The following HPS4 variants were observed in gnomAD, a reference collection of about 807,000 sequenced individuals.
HPS4 encodes BLOC-3 complex member HPS4.
A neutral mutation model predicts 70.3 loss-of-function variants in HPS4; 44 were observed. The ratio of observed to expected loss-of-function variants is 0.63; its 90% CI spans 0.49 to 0.80. The LOEUF is 0.80. HPS4 is among the 30% of genes least tolerant of loss of function. The probability of loss-of-function intolerance (pLI) is 0.00; values close to 1 mark genes in which losing one functional copy is unlikely to be tolerated. For missense variants in HPS4, 873 were observed against 884.4 expected, an observed-to-expected ratio of 0.99 and a Z score of 0.16; for synonymous variants, 377 against 355.9, an observed-to-expected ratio of 1.06 and a Z score of -0.67.
chr22:26,478,706 T>C (rs1174106623), intron 3 of HPS4, among the ~76,000 whole-genome samples: 2 of 152,182 alleles, frequency 1.3e-5, no homozygotes, highest in Non-Finnish European at 2.9e-5. Context: ...TTTTTTGAGA[T>C]GGAGTTTCAC....
At chr22:26,455,205 C>T (rs2085882891) in intron 13 of HPS4, among the ~76,000 whole-genome samples, 1 of 152,006 alleles carries the variant, frequency 6.6e-6, no homozygotes, top group African/African-American at 2.4e-5. Flanking sequence ...CTAGAAATAC[C>T]ATTTGACCCA....
rs368433854 is a variant in HPS4, at chr22:26,466,296, G to C, written c.670-34C>G. 49 of 1,612,236 alleles carry C rather than the reference G, an allele frequency of 3.0e-5. No homozygotes were observed. In the African/African-American group the frequency reaches 5.7e-4, roughly 19 times the overall value. The stretch of plus-strand genomic sequence containing the variant: ...AAACACACACAGAAGTTGGCGCTGG[G>C]CACCACATTCTCCTCTTGACCTAAC... On this transcript the variant is annotated intron_variant, in intron 8 of 13. Coordinates refer to ENST00000398145, the MANE Select transcript of HPS4 (RefSeq NM_022081.6).
At chr22:26,450,003 C>T (rs2085089705), downstream of HPS4, among the ~76,000 whole-genome samples, 1 of 152,216 alleles carries the variant, frequency 6.6e-6, no homozygotes, top group African/African-American at 2.4e-5. Flanking sequence ...TGACTGGCGG[C>T]CACATCACTC....
intron 4 of HPS4, among the ~76,000 whole-genome samples, chr22:26,473,501 C>T (rs1209076898): frequency 2.6e-5 from 4 of 152,180 alleles, no homozygotes. Flanking sequence ...GGCACGGTGG[C>T]TCATGCCTGT....
intron 2 of HPS4, among the ~76,000 whole-genome samples, chr22:26,480,821 G>T (rs899967762): frequency 6.6e-6 from 1 of 152,088 alleles, no homozygotes; most frequent in African/African-American, 2.4e-5. Flanking sequence ...GGGATGCTGA[G>T]GTAGGAGGAT....
At chr22:26,446,946 G>C (rs993814347), downstream of HPS4, among the ~76,000 whole-genome samples, 1 of 152,172 alleles carries the variant, frequency 6.6e-6, no homozygotes, top group African/African-American at 2.4e-5. Flanking sequence ...GGCTGATCTC[G>C]AACTCCTAAC....
At chr22:26,468,473 C>G in intron 8 of HPS4, 78 bp downstream of exon 8, 3 of 1,294,912 alleles carry the variant, frequency 2.3e-6, no homozygotes, top group Non-Finnish European at 2.2e-6. Context: ...GCCTCTGCTC[C>G]TGATCCCTCC....
chr22:26,458,102 G>T, intron 12 of HPS4, 135 bp from the exon 13 acceptor site: 1 of 801,134 alleles, frequency 1.2e-6, no homozygotes, highest in South Asian at 1.5e-5. Context: ...CAGAGACAAA[G>T]GCCCGGGGCA....
intron 13 of HPS4, among the ~76,000 whole-genome samples, chr22:26,454,898 A>C (rs1318803322): frequency 4.6e-5 from 7 of 152,136 alleles, no homozygotes; most frequent in Non-Finnish European, 7.4e-5. Flanking sequence ...AAAAACAAAC[A>C]ACCCCATCAA....
intron 13 of HPS4, among the ~76,000 whole-genome samples, chr22:26,456,609 A>T (rs1376507097): frequency 6.6e-6 from 1 of 152,258 alleles, no homozygotes; most frequent in East Asian, 1.9e-4. Context: ...CAATGAGCCG[A>T]GACTGAGCCC....
At chr22:26,467,893 AT>A (rs2088985075) in intron 8 of HPS4, 1 of 151,932 alleles carries the variant, frequency 6.6e-6, no homozygotes, top group Non-Finnish European at 1.5e-5. Flanking sequence ...TGTTTTCCTT[AT>A]TTTTTTATTT....
chr22:26,449,708 C>G (rs2085078280), downstream of HPS4, among the ~76,000 whole-genome samples: 3 of 152,308 alleles, frequency 2.0e-5, no homozygotes, highest in South Asian at 6.2e-4. Context: ...CTCACGCCCT[C>G]CGTGCTCTGT....
intron 4 of HPS4, chr22:26,475,637 C>G (rs1397554062): frequency 6.6e-6 from 1 of 152,004 alleles, no homozygotes; most frequent in Non-Finnish European, 1.5e-5. Context: ...CAGGCCTGAG[C>G]CACAGCGCTC....
At chr22:26,460,671 CAT>C (rs1460816859) in intron 11 of HPS4, among the ~76,000 whole-genome samples, 7 of 152,204 alleles carry the variant, frequency 4.6e-5, no homozygotes, top group Non-Finnish European at 1.0e-4. Context: ...TGTCAGATGA[CAT>C]GTGGATAATT....
At chr22:26,449,547 T>C (rs147474315), downstream of HPS4, among the ~76,000 whole-genome samples, 462 of 152,114 alleles carry the variant, frequency 3.0e-3, 2 homozygotes, top group African/African-American at 0.01. Context: ...GCCAGGCTGG[T>C]CTTGAACTCC....
chr22:26,449,180 T>C (rs1419508991), downstream of HPS4, among the ~76,000 whole-genome samples: 1 of 152,172 alleles, frequency 6.6e-6, no homozygotes, highest in Non-Finnish European at 1.5e-5. Context: ...CTGCCCATTA[T>C]CTGGCCTCCT....
chr22:26,465,540 G>A lies in HPS4; in HGVS notation c.718C>T (p.Pro240Ser). ...ACAGGGATAATCTGGACATTCGGGG[G>A]CAATGCCGCTCCTGGAATTGCAAAG... ...DAPQEHGAAL[P>S]PNVQIIPVFV... Residue 240 changes from proline to serine, a missense_variant, in exon 10 of 14, where the codon CCC (proline) becomes TCC (serine). Coordinates refer to ENST00000398145, the MANE Select transcript of HPS4 (RefSeq NM_022081.6). 1.2e-6 allele frequency: 2 copies of A among 1,613,850 alleles called. No individual in the cohort carries two copies. Among genetic ancestry groups the A allele is most frequent in the Non-Finnish European group, 1.7e-6 (2 of 1,179,792 alleles).
chr22:26,469,045 A>G (rs950398204), intron 7 of HPS4, among the ~76,000 whole-genome samples: 4 of 152,170 alleles, frequency 2.6e-5, no homozygotes, highest in Non-Finnish European at 5.9e-5. Context: ...CTATTTAAGG[A>G]GATAGCAAAA....
chr22:26,452,787 G>T lies in HPS4; in HGVS notation c.*446C>A. The T allele has an allele frequency of 4.0e-6, 1 of 247,430 alleles. No homozygotes were observed. The highest frequency in any genetic ancestry group is 5.2e-5 in the Admixed American group (1 of 19,242). 15.3% of individuals were successfully genotyped at this position (247,430 alleles called of 1,614,324 possible). ...GTGGAGTCGGCCTGCTCACAGATCC[G>T]GCACCTCGCTGTGCAGTCACACCGC... is the stretch of plus-strand genomic sequence containing the variant. On this transcript the variant is annotated 3_prime_UTR_variant, in exon 14 of 14. Transcript: ENST00000398145.
Sources: allele counts gnomAD v4.1 joint callset (sites outside exome capture counted in the v4.1 genomes callset), GRCh38; gene constraint gnomAD v4.1.1; transcripts MANE v1.5; gene names NCBI Gene and HGNC (gene_info 2026-07-23, HGNC 2026-07-21).